CTSB: variants seen among roughly 807,000 people sequenced by gnomAD.
CTSB encodes the protein cathepsin B.
A neutral mutation model predicts 44.3 loss-of-function variants in CTSB; 57 were observed. The observed-to-expected ratio is 1.29, with a 90% CI of 1.04 to 1.60. The LOEUF is 1.60. Ranked by LOEUF, CTSB falls within the 40% of genes most tolerant of loss-of-function variation. The pLI, the probability that CTSB is intolerant of heterozygous loss-of-function variation, is 0.00. For synonymous variants in CTSB, 320 were observed against 168.0 expected (o/e 1.91, Z -7.00); for missense variants, 768 against 443.0 (o/e 1.73, Z -6.59).
At chr8:11,866,219 C>G (rs923349988) in intron 1 of CTSB, among the ~76,000 whole-genome samples, 4 of 152,162 alleles carry the variant, frequency 2.6e-5, no homozygotes, top group Non-Finnish European at 4.4e-5. Flanking sequence ...AAGAAAAGAA[C>G]CTGCCTACAA....
intron 3 of CTSB, among the ~76,000 whole-genome samples, chr8:11,852,189 G>T (rs1432785429): frequency 6.6e-6 from 1 of 152,116 alleles, no homozygotes; most frequent in Non-Finnish European, 1.5e-5. Context: ...TGGCCAGTAT[G>T]GCGAAACCCA....
intron 8 of CTSB, among the ~76,000 whole-genome samples, 190 bp from the exon 9 acceptor site, chr8:11,845,979 ACACT>A (rs371413653): frequency 5.9e-5 from 9 of 152,216 alleles, no homozygotes; most frequent in Admixed American, 2.6e-4. Context: ...AAGGCCCAAC[ACACT>A]CAAAGTTGTT....
intron 3 of CTSB, among the ~76,000 whole-genome samples, chr8:11,851,859 G>A (rs1814648717): frequency 6.6e-6 from 1 of 151,912 alleles, no homozygotes; most frequent in Non-Finnish European, 1.5e-5. Flanking sequence ...TAGAGACGGG[G>A]TTTCATCATG....
chr8:11,857,699 C>G (rs1815728288), intron 1 of CTSB, among the ~76,000 whole-genome samples: 1 of 152,142 alleles, frequency 6.6e-6, no homozygotes, highest in Admixed American at 6.6e-5. Flanking sequence ...GGCGACTTCC[C>G]TGCACCCGCC....
At chr8:11,851,970 T>G (rs1418019461) in intron 3 of CTSB, among the ~76,000 whole-genome samples, 1 of 152,094 alleles carries the variant, frequency 6.6e-6, no homozygotes, top group Non-Finnish European at 1.5e-5. Flanking sequence ...CTTGGCCTCA[T>G]CTGGCTTTTC....
chr8:11,856,239 C>G (rs1050168191), intron 1 of CTSB, among the ~76,000 whole-genome samples: 10 of 152,012 alleles, frequency 6.6e-5, no homozygotes, highest in Admixed American at 5.9e-4. Context: ...CCACCAGTTT[C>G]TAAATCTGCA....
At chr8:11,867,509 A>G (rs1401390239) in intron 1 of CTSB, 1 of 152,262 alleles carries the variant, frequency 6.6e-6, no homozygotes, top group Non-Finnish European at 1.5e-5. Context: ...CTTGCGCAGA[A>G]AGTTGGCCAG....
Position 11,843,346 on chromosome 8 carries a change from T to A in CTSB, c.*1779A>T, listed in dbSNP as rs971311670. 1 of 152,184 alleles carries A rather than the reference T, an allele frequency of 6.6e-6. No individual in the cohort carries two copies. 9.4% of individuals were successfully genotyped at this position (152,184 alleles called of 1,614,324 possible). ...TTTGATCTAGCATCTGGTTCCTAAA[T>A]TCTGAGTCACATCAGAAGCCAAACT... On this transcript the variant is annotated 3_prime_UTR_variant, in exon 10 of 10. Transcript: ENST00000353047.
intron 8 of CTSB, among the ~76,000 whole-genome samples, chr8:11,845,995 A>C (rs1813253398): frequency 6.6e-6 from 1 of 152,226 alleles, no homozygotes; most frequent in Admixed American, 6.5e-5. Context: ...AAAGTTGTTG[A>C]GTAAATATTG....
intron 6 of CTSB, 52 bp downstream of exon 6, chr8:11,848,015 A>T: frequency 6.8e-7 from 1 of 1,463,668 alleles, no homozygotes; most frequent in Non-Finnish European, 9.4e-7. Flanking sequence ...CATGATGGTT[A>T]ATTGCTCAAA....
chr8:11,867,871 C>T (rs973098345), intron 1 of CTSB, 130 bp downstream of exon 1: 9 of 151,784 alleles, frequency 5.9e-5, no homozygotes, highest in Admixed American at 1.3e-4. Context: ...TCCCCGCCGG[C>T]CCCCAGGGAC....
intron 5 of CTSB, 143 bp from the exon 6 acceptor site, chr8:11,848,295 A>G (rs1051368440): frequency 5.4e-6 from 4 of 736,052 alleles, no homozygotes. Flanking sequence ...CCCAGACCCC[A>G]AACCCTCCAA....
chr8:11,858,651 A>G (rs1815910753), intron 1 of CTSB, among the ~76,000 whole-genome samples: 1 of 152,198 alleles, frequency 6.6e-6, no homozygotes, highest in South Asian at 2.1e-4. Context: ...TCCACTCTTG[A>G]GGGTCCCGAG....
intron 1 of CTSB, among the ~76,000 whole-genome samples, chr8:11,860,019 C>T (rs1053266619): frequency 2.0e-5 from 3 of 151,894 alleles, no homozygotes; most frequent in Non-Finnish European, 2.9e-5. Context: ...TTGCAGTGAG[C>T]CAAGATCACA....
At chr8:11,848,516 A>G (rs1813890718) in intron 5 of CTSB, 3 of 379,362 alleles carry the variant, frequency 7.9e-6, no homozygotes, top group Admixed American at 7.3e-5. Context: ...CTCTGAAATG[A>G]GAATCGCCAG....
chr8:11,858,760 A>C (rs760304715), intron 1 of CTSB, among the ~76,000 whole-genome samples: 2 of 152,220 alleles, frequency 1.3e-5, no homozygotes, highest in Non-Finnish European at 2.9e-5. Context: ...TCTCCACAAC[A>C]ACGCAAATCT....
chr8:11,860,514 C>T (rs1313921508), intron 1 of CTSB, among the ~76,000 whole-genome samples: 2 of 152,144 alleles, frequency 1.3e-5, no homozygotes, highest in Non-Finnish European at 2.9e-5. Flanking sequence ...ATCCCAACTA[C>T]TCGGGAGGCT....
At chr8:11,848,370 G>T (rs1421390284) in intron 5 of CTSB, 2 of 666,904 alleles carry the variant, frequency 3.0e-6, no homozygotes, top group Middle Eastern at 2.4e-4. Flanking sequence ...TGCCCACAAA[G>T]ATCCGGGAGA....
chr8:11,847,878 G>A (rs1813731979), intron 6 of CTSB, 56 bp from the exon 7 acceptor site: 1 of 1,407,602 alleles, frequency 7.1e-7, no homozygotes, highest in East Asian at 2.5e-5. Flanking sequence ...GAGAAGACCT[G>A]GGGCAAGGCA....
Sources: gnomAD v4.1 joint callset for allele counts (sites outside exome capture counted in the v4.1 genomes callset) on GRCh38, gnomAD v4.1.1 for gene constraint, MANE v1.5 for transcripts, NCBI Gene and HGNC (gene_info 2026-07-23, HGNC 2026-07-21) for gene names.